Variants in WWOX observed in about 807,000 individuals in gnomAD.
WWOX encodes the protein WW domain-containing oxidoreductase.
Under a neutral mutation model 46.2 loss-of-function variants are expected in WWOX, and 69 were observed. The observed-to-expected ratio is 1.49, with a 90% CI of 1.23 to 1.82. The LOEUF (loss-of-function observed/expected upper bound fraction) is 1.82, where lower values mean the gene tolerates loss of function less well. Ranked by LOEUF, WWOX falls within the 40% of genes most tolerant of loss-of-function variation. The pLI is 0.00. For missense variants in WWOX, 919 were observed against 542.6 expected, an observed-to-expected ratio of 1.69 and a Z score of -6.89; for synonymous variants, 359 against 202.6, an observed-to-expected ratio of 1.77 and a Z score of -6.56.
intron 8 of WWOX, among the ~76,000 whole-genome samples, chr16:78,936,389 T>C (rs1049200380): frequency 6.6e-6 from 1 of 152,138 alleles, no homozygotes; most frequent in Non-Finnish European, 1.5e-5. Flanking sequence ...ACCCAAGCTT[T>C]GCATGATCTC....
At chr16:78,993,099 T>G (rs1296507547) in intron 8 of WWOX, among the ~76,000 whole-genome samples, 1 of 152,116 alleles carries the variant, frequency 6.6e-6, no homozygotes, top group Non-Finnish European at 1.5e-5. Context: ...AATTTAACTT[T>G]TGTGGAAATG....
intron 8 of WWOX, among the ~76,000 whole-genome samples, chr16:78,998,127 T>G (rs954907587): frequency 3.3e-5 from 5 of 152,184 alleles, no homozygotes; most frequent in Admixed American, 6.5e-5. Context: ...CCCGCCCGCC[T>G]CGGCCTCCCA....
At chr16:78,268,970 T>C (rs1288683635) in intron 5 of WWOX, 2 of 152,202 alleles carry the variant, frequency 1.3e-5, no homozygotes, top group Admixed American at 1.3e-4. Flanking sequence ...TCCTCCTTCA[T>C]GTTAATATAG....
At chr16:78,879,445 G>C (rs2044297802) in intron 8 of WWOX, among the ~76,000 whole-genome samples, 1 of 151,916 alleles carries the variant, frequency 6.6e-6, no homozygotes, top group African/African-American at 2.4e-5. Flanking sequence ...TACTTTTTCA[G>C]GATCTGCTCT....
chr16:78,850,941 C>T (rs751923295), intron 8 of WWOX, among the ~76,000 whole-genome samples: 5 of 152,168 alleles, frequency 3.3e-5, no homozygotes, highest in Admixed American at 1.3e-4. Context: ...GGATGGCAGT[C>T]GGGAGTGTGC....
chr16:78,620,561 C>T (rs1381696202), intron 8 of WWOX, among the ~76,000 whole-genome samples: 1 of 152,176 alleles, frequency 6.6e-6, no homozygotes, highest in Non-Finnish European at 1.5e-5. Flanking sequence ...AGTTTTATGT[C>T]CTCTGCCACC....
intron 8 of WWOX, among the ~76,000 whole-genome samples, chr16:79,111,845 G>C (rs2049422896): frequency 6.6e-6 from 1 of 152,134 alleles, no homozygotes; most frequent in South Asian, 2.1e-4. Flanking sequence ...CCTGGCAGGG[G>C]ACAAATTTAT....
chr16:79,142,526 G>T (rs2050109737), intron 8 of WWOX, among the ~76,000 whole-genome samples: 1 of 152,160 alleles, frequency 6.6e-6, no homozygotes, highest in Admixed American at 6.5e-5. Context: ...TACCTGGAAG[G>T]CATCTGGGAA....
At chr16:79,121,355 G>T (rs940713431) in intron 8 of WWOX, among the ~76,000 whole-genome samples, 8 of 152,158 alleles carry the variant, frequency 5.3e-5, no homozygotes, top group African/African-American at 1.9e-4. Flanking sequence ...AGCTGCTGTG[G>T]AAAAAATTTT....
intron 8 of WWOX, among the ~76,000 whole-genome samples, chr16:78,634,811 G>GGAGAGAGAGAGAGAGAGA (rs541433739): frequency 7.8e-6 from 1 of 127,888 alleles, no homozygotes; most frequent in African/African-American, 3.0e-5. Context: ...GCACCCGACT[G>GGAGAGAGAGAGAGAGAGA]GAGAGAGAGA....
chr16:79,175,671 T>C (rs1432839308), intron 8 of WWOX, among the ~76,000 whole-genome samples: 1 of 152,196 alleles, frequency 6.6e-6, no homozygotes, highest in African/African-American at 2.4e-5. Flanking sequence ...TGATGAAGGA[T>C]GTTAGCATTA....
chr16:78,295,586 C>T (rs1480307866), intron 5 of WWOX, among the ~76,000 whole-genome samples: 1 of 152,166 alleles, frequency 6.6e-6, no homozygotes, highest in East Asian at 1.9e-4. Flanking sequence ...TGGCAAGTGC[C>T]TGTAATCTCA....
intron 8 of WWOX, among the ~76,000 whole-genome samples, chr16:78,815,454 A>G (rs2051304432): frequency 6.6e-6 from 1 of 152,198 alleles, no homozygotes; most frequent in Non-Finnish European, 1.5e-5. Flanking sequence ...CGACCTTTAC[A>G]AACAGTGCCT....
intron 8 of WWOX, among the ~76,000 whole-genome samples, chr16:78,481,463 A>G (rs933246755): frequency 6.6e-5 from 10 of 152,228 alleles, no homozygotes; most frequent in South Asian, 6.2e-4. Flanking sequence ...GAGTCATGGC[A>G]TAGATGCTGA....
chr16:78,374,527 A>AT (rs541225697), intron 5 of WWOX, among the ~76,000 whole-genome samples: 13 of 70,902 alleles, frequency 1.8e-4, no homozygotes, highest in East Asian at 4.0e-4. Context: ...TCTGTCTTGA[A>AT]TTTTTTTTTT....
intron 8 of WWOX, among the ~76,000 whole-genome samples, chr16:78,794,664 C>G (rs983984674): frequency 5.3e-5 from 8 of 152,344 alleles, no homozygotes; most frequent in African/African-American, 1.4e-4. Context: ...TAAGTTATAG[C>G]TGTTGCTGTC....
At chr16:78,403,892 C>G (rs895203755) in intron 6 of WWOX, among the ~76,000 whole-genome samples, 2 of 152,208 alleles carry the variant, frequency 1.3e-5, no homozygotes, top group Non-Finnish European at 2.9e-5. Context: ...CTTACTTGCA[C>G]TGCAGGTCAG....
chr16:78,962,947 C>T (rs1288965761), intron 8 of WWOX, among the ~76,000 whole-genome samples: 1 of 152,142 alleles, frequency 6.6e-6, no homozygotes, highest in African/African-American at 2.4e-5. Flanking sequence ...GTGGGATTTG[C>T]CCACGATATT....
intron 8 of WWOX, among the ~76,000 whole-genome samples, chr16:78,763,973 C>T (rs975183381): frequency 2.0e-4 from 31 of 152,166 alleles, no homozygotes; most frequent in African/African-American, 7.0e-4. Flanking sequence ...TGCCCCACAT[C>T]TATTGTGGGC....
Sources: allele counts gnomAD v4.1 joint callset (sites outside exome capture counted in the v4.1 genomes callset), GRCh38; gene constraint gnomAD v4.1.1; transcripts MANE v1.5; gene names NCBI Gene and HGNC (gene_info 2026-07-23, HGNC 2026-07-21).